The following PPARGC1A variants were observed in gnomAD, a reference collection of about 807,000 sequenced individuals.
PPARGC1A encodes PPARG coactivator 1 alpha.
Under a neutral mutation model 88.7 loss-of-function variants are expected in PPARGC1A, and 25 were observed. The ratio of observed to expected loss-of-function variants is 0.28; its 90% CI spans 0.21 to 0.39. The LOEUF (loss-of-function observed/expected upper bound fraction) is 0.39. Among genes scored for constraint, PPARGC1A ranks in the 10% least tolerant of loss-of-function variants. PPARGC1A has a pLI of 1.00. For synonymous variants in PPARGC1A, 363 were observed against 355.6 expected (o/e 1.02, Z -0.24); for missense variants, 880 against 968.7 (o/e 0.91, Z 1.22).
At chr4:23,848,240 A>G (rs1328023071) in intron 2 of PPARGC1A, among the ~76,000 whole-genome samples, 2 of 152,202 alleles carry the variant, frequency 1.3e-5, no homozygotes, top group East Asian at 3.8e-4. Flanking sequence ...AATTCGTACC[A>G]TGCTTATATA....
At chr4:24,446,854 C>T in the PPARGC1A span, among the ~76,000 whole-genome samples, 2 of 152,172 alleles carry the variant, frequency 1.3e-5, no homozygotes, top group African/African-American at 4.8e-5. Context: ...CCCGCCTCGG[C>T]CTCCAAAAGT....
chr4:24,229,362 T>C, the PPARGC1A span, among the ~76,000 whole-genome samples: 12 of 149,408 alleles, frequency 8.0e-5, no homozygotes, highest in Admixed American at 7.3e-4. Flanking sequence ...TTGGCCAGGC[T>C]GGTCTCGAAC....
the PPARGC1A span, among the ~76,000 whole-genome samples, chr4:24,380,147 G>A: frequency 6.6e-6 from 1 of 151,988 alleles, no homozygotes. Context: ...GTTATTTAAA[G>A]GGAAACAAAA....
the PPARGC1A span, among the ~76,000 whole-genome samples, chr4:24,372,841 C>T: frequency 4.9e-3 from 749 of 152,292 alleles, 6 homozygotes; most frequent in African/African-American, 0.017. Context: ...AGTACAAATG[C>T]TGAATAAATG....
At chr4:24,298,694 T>C in the PPARGC1A span, among the ~76,000 whole-genome samples, 2 of 152,190 alleles carry the variant, frequency 1.3e-5, no homozygotes, top group Non-Finnish European at 1.5e-5. Context: ...TGTCTGAGCT[T>C]AAAATGCAGT....
the PPARGC1A span, among the ~76,000 whole-genome samples, chr4:24,188,264 A>G: frequency 7.2e-5 from 11 of 152,090 alleles, no homozygotes; most frequent in Non-Finnish European, 1.3e-4. Context: ...TTCATGTCCT[A>G]TATTCTAAGG....
At chr4:24,444,277 C>T in the PPARGC1A span, among the ~76,000 whole-genome samples, 1 of 152,050 alleles carries the variant, frequency 6.6e-6, no homozygotes, top group African/African-American at 2.4e-5. Context: ...AGGTGATCCG[C>T]CCCCATCGGC....
At chr4:23,877,110 A>C (rs1714853449) in intron 2 of PPARGC1A, among the ~76,000 whole-genome samples, 1 of 152,088 alleles carries the variant, frequency 6.6e-6, no homozygotes, top group South Asian at 2.1e-4. Context: ...CAAGAATAAG[A>C]GTGTGTATTT....
chr4:24,155,651 C>T, the PPARGC1A span, among the ~76,000 whole-genome samples: 1 of 151,792 alleles, frequency 6.6e-6, no homozygotes, highest in Non-Finnish European at 1.5e-5. Flanking sequence ...ACTTCCTGTG[C>T]CCTCATGAAG....
chr4:24,376,932 T>A, the PPARGC1A span, among the ~76,000 whole-genome samples: 1 of 152,198 alleles, frequency 6.6e-6, no homozygotes, highest in Non-Finnish European at 1.5e-5. Context: ...TAATGTTTGA[T>A]GGATAAGTCT....
chr4:23,919,150 A>G, the PPARGC1A span, among the ~76,000 whole-genome samples: 2 of 152,198 alleles, frequency 1.3e-5, no homozygotes, highest in Non-Finnish European at 2.9e-5. Flanking sequence ...GAGGGCAGCA[A>G]CTTTACATAC....
chr4:24,164,986 C>T, the PPARGC1A span, among the ~76,000 whole-genome samples: 33 of 152,138 alleles, frequency 2.2e-4, no homozygotes, highest in Middle Eastern at 3.4e-3. Context: ...GATTCAAAGT[C>T]CCTCCAAGAT....
intron 2 of PPARGC1A, among the ~76,000 whole-genome samples, chr4:23,852,823 G>A (rs991762551): frequency 2.0e-5 from 3 of 152,072 alleles, no homozygotes; most frequent in African/African-American, 7.2e-5. Context: ...TAGGGAAATA[G>A]ATATGTACAA....
chr4:23,949,369 C>G, the PPARGC1A span, among the ~76,000 whole-genome samples: 1 of 152,146 alleles, frequency 6.6e-6, no homozygotes, highest in Non-Finnish European at 1.5e-5. Context: ...AGTCCCACAG[C>G]ACCAAGCACA....
the PPARGC1A span, among the ~76,000 whole-genome samples, chr4:24,273,001 T>C: frequency 6.6e-6 from 1 of 152,360 alleles, no homozygotes; most frequent in Non-Finnish European, 1.5e-5. Flanking sequence ...TAACTGCAGC[T>C]CAGCTCTAAT....
intron 12 of PPARGC1A, 123 bp from the exon 13 acceptor site, chr4:23,796,048 T>G: frequency 1.4e-6 from 1 of 730,254 alleles, no homozygotes; most frequent in South Asian, 1.6e-5. Context: ...TAGAAAACAA[T>G]AGTCAGATTT....
At chr4:24,161,315 A>T in the PPARGC1A span, among the ~76,000 whole-genome samples, 2 of 152,134 alleles carry the variant, frequency 1.3e-5, no homozygotes, top group Non-Finnish European at 2.9e-5. Context: ...TTCTAGTCTG[A>T]CCCTACCTAG....
At chr4:23,910,523 C>A in the PPARGC1A span, among the ~76,000 whole-genome samples, 1 of 144,870 alleles carries the variant, frequency 6.9e-6, no homozygotes, top group African/African-American at 2.6e-5. Flanking sequence ...TCACTGCCAC[C>A]TCCGCCTCCC....
chr4:24,385,037 G>C, the PPARGC1A span, among the ~76,000 whole-genome samples: 1 of 152,094 alleles, frequency 6.6e-6, no homozygotes, highest in African/African-American at 2.4e-5. Flanking sequence ...ATAACAAACA[G>C]TCTCTCAGAC....
Sources: allele counts gnomAD v4.1 joint callset (sites outside exome capture counted in the v4.1 genomes callset), GRCh38; gene constraint gnomAD v4.1.1; transcripts MANE v1.5; gene names NCBI Gene and HGNC (gene_info 2026-07-23, HGNC 2026-07-21).